Variants in LRRC4C observed in about 807,000 individuals in gnomAD.
The protein encoded by LRRC4C is leucine-rich repeat-containing protein 4C.
LRRC4C carries 5 observed loss-of-function variants against 33.6 expected under a neutral mutation model. The observed-to-expected ratio is 0.15, with a 90% CI of 0.08 to 0.31. LRRC4C has a LOEUF of 0.31. Ranked by LOEUF, LRRC4C falls within the 10% of genes least tolerant of loss-of-function variation. LRRC4C has a pLI of 1.00. For synonymous variants in LRRC4C, 329 were observed against 302.0 expected, an observed-to-expected ratio of 1.09 and a Z score of -0.93; for missense variants, 560 against 796.7, an observed-to-expected ratio of 0.70 and a Z score of 3.58.
Position 41,420,435 on chromosome 11 carries a change from G to A in LRRC4C, c.-496+38996C>T, listed in dbSNP as rs140926686. 2.2e-3 allele frequency among the ~76,000 whole-genome samples: 331 copies of A among 152,086 alleles called. 1 individual carries two copies. Among genetic ancestry groups the A allele is most frequent in the African/African-American group, 6.1e-3 (254 of 41,514 alleles). The stretch of plus-strand genomic sequence containing the variant: ...CTATGCCATTTTTACTTTTCTACAC[G>A]CAGTGCCCCATAAAAGGCTGCACAT... On this transcript the variant is annotated intron_variant, in intron 1 of 6. Transcript: ENST00000528697.
intron 3 of LRRC4C, among the ~76,000 whole-genome samples, chr11:40,362,957 C>A (rs1948027168): frequency 6.6e-6 from 1 of 152,158 alleles, no homozygotes; most frequent in Non-Finnish European, 1.5e-5. Context: ...CACTTACACG[C>A]TGTTGGTGGG....
At chr11:40,594,819 T>C (rs1297351790) in intron 3 of LRRC4C, among the ~76,000 whole-genome samples, 1 of 152,178 alleles carries the variant, frequency 6.6e-6, no homozygotes, top group African/African-American at 2.4e-5. Flanking sequence ...TATTAGTTTA[T>C]GTTTTTGTAG....
chr11:40,613,355 A>G (rs1961429006), intron 3 of LRRC4C, among the ~76,000 whole-genome samples: 1 of 151,864 alleles, frequency 6.6e-6, no homozygotes, highest in South Asian at 2.1e-4. Context: ...TATTTTGACC[A>G]GGAATATATT....
At chr11:40,261,124 T>A (rs967599569) in intron 4 of LRRC4C, among the ~76,000 whole-genome samples, 1 of 152,012 alleles carries the variant, frequency 6.6e-6, no homozygotes, top group African/African-American at 2.4e-5. Context: ...CAAGTGATCT[T>A]CCCACAGCAC....
intron 1 of LRRC4C, among the ~76,000 whole-genome samples, chr11:41,090,227 C>T (rs1940311453): frequency 6.6e-6 from 1 of 151,926 alleles, no homozygotes; most frequent in Non-Finnish European, 1.5e-5. Context: ...AAAGAGTATG[C>T]ATGGTATGTG....
chr11:40,122,982 CACACATAT>C (rs1335325001), intron 6 of LRRC4C, among the ~76,000 whole-genome samples: 1 of 127,670 alleles, frequency 7.8e-6, no homozygotes, highest in Non-Finnish European at 1.8e-5. Context: ...CACACACACA[CACACATAT>C]ATACTATTTT....
At chr11:41,246,420 G>A (rs1303194703) in intron 1 of LRRC4C, among the ~76,000 whole-genome samples, 1 of 152,192 alleles carries the variant, frequency 6.6e-6, no homozygotes, top group African/African-American at 2.4e-5. Context: ...GCACTTCTGA[G>A]CTTGTAGGGG....
At chr11:41,385,168 G>C (rs1253941798) in intron 1 of LRRC4C, among the ~76,000 whole-genome samples, 1 of 151,082 alleles carries the variant, frequency 6.6e-6, no homozygotes, top group Non-Finnish European at 1.5e-5. Context: ...TCAATTGGGA[G>C]ATTCTCTCGA....
At chr11:41,078,541 CA>C (rs1939323966) in intron 1 of LRRC4C, among the ~76,000 whole-genome samples, 1 of 152,180 alleles carries the variant, frequency 6.6e-6, no homozygotes. Flanking sequence ...ACAGGTCTCA[CA>C]ATGGCAGGGC....
At chr11:41,380,319 A>G (rs564880569) in intron 1 of LRRC4C, among the ~76,000 whole-genome samples, 1 of 152,210 alleles carries the variant, frequency 6.6e-6, no homozygotes, top group African/African-American at 2.4e-5. Context: ...CAGAGTGCAC[A>G]TTTTTAATGT....
chr11:41,012,900 C>T (rs7948564), intron 1 of LRRC4C, among the ~76,000 whole-genome samples: 23,958 of 152,124 alleles, frequency 0.16, 2,036 homozygotes, highest in Middle Eastern at 0.22. Flanking sequence ...TAAGAATTGT[C>T]TATTCAGACC....
intron 6 of LRRC4C, among the ~76,000 whole-genome samples, chr11:40,122,835 A>G (rs1271053646): frequency 6.7e-6 from 1 of 148,392 alleles, no homozygotes; most frequent in Non-Finnish European, 1.5e-5. Flanking sequence ...AAAATTTTAT[A>G]TAAAACATTT....
At chr11:41,392,321 T>G (rs1175996889) in intron 1 of LRRC4C, among the ~76,000 whole-genome samples, 1 of 151,892 alleles carries the variant, frequency 6.6e-6, no homozygotes, top group Non-Finnish European at 1.5e-5. Context: ...GTAGATTAAC[T>G]GTTTTTGTAC....
At chr11:40,735,986 G>A (rs914654013) in intron 2 of LRRC4C, among the ~76,000 whole-genome samples, 7 of 147,756 alleles carry the variant, frequency 4.7e-5, no homozygotes, top group Non-Finnish European at 7.5e-5. Context: ...CATGTCCTTC[G>A]CCCACTTATT....
At chr11:41,247,102 G>A (rs1240005443) in intron 1 of LRRC4C, among the ~76,000 whole-genome samples, 1 of 152,198 alleles carries the variant, frequency 6.6e-6, no homozygotes, top group Non-Finnish European at 1.5e-5. Context: ...ATTACATTAT[G>A]AGAACTACAT....
At chr11:41,022,921 A>G (rs1045467006) in intron 1 of LRRC4C, among the ~76,000 whole-genome samples, 5 of 151,978 alleles carry the variant, frequency 3.3e-5, no homozygotes, top group Admixed American at 2.0e-4. Flanking sequence ...ATAAATTCTC[A>G]TAGGTCAGAG....
In LRRC4C at chr11:40,846,702, A is replaced by G. The variant is rs116269111; in HGVS notation, c.-407+86933T>C. Among the ~76,000 whole-genome samples, 239 of 152,222 alleles carry G rather than the reference A, an allele frequency of 1.6e-3. 2 individuals carry two copies. Among genetic ancestry groups the G allele is most frequent in the African/African-American group, 5.5e-3 (228 of 41,542 alleles). The stretch of plus-strand genomic sequence containing the variant: ...TTATCTAATTCTGTGAAGAAAGTCA[A>G]TGTTAGCGTGATGGGAATAGCATTG... On this transcript the variant is annotated intron_variant, in intron 2 of 6. Transcript: ENST00000528697.
intron 1 of LRRC4C, chr11:41,223,055 A>T (rs1267772733): frequency 6.6e-6 from 1 of 152,158 alleles, no homozygotes; most frequent in Non-Finnish European, 1.5e-5. Context: ...TTATCAGAGC[A>T]CTGGCACAGA....
At chr11:40,917,525 C>A (rs986695964) in intron 2 of LRRC4C, among the ~76,000 whole-genome samples, 1 of 151,942 alleles carries the variant, frequency 6.6e-6, no homozygotes, top group Admixed American at 6.6e-5. Flanking sequence ...GCGTTGTATG[C>A]CATTTTGATA....
Sources: allele counts gnomAD v4.1 joint callset (sites outside exome capture counted in the v4.1 genomes callset), GRCh38; gene constraint gnomAD v4.1.1; transcripts MANE v1.5; gene names NCBI Gene and HGNC (gene_info 2026-07-23, HGNC 2026-07-21).